RFTN1: variants seen among roughly 807,000 people sequenced by gnomAD.
RFTN1 encodes raftlin.
RFTN1 carries 26 observed loss-of-function variants against 46.5 expected under a neutral mutation model. That is an observed-to-expected ratio of 0.56 (90% CI 0.41 to 0.78). The LOEUF (loss-of-function observed/expected upper bound fraction) is 0.78, where lower values mean the gene tolerates loss of function less well. Among genes scored for constraint, RFTN1 ranks in the 30% least tolerant of loss-of-function variants. The probability of loss-of-function intolerance (pLI) is 0.00; values close to 1 mark genes in which losing one functional copy is unlikely to be tolerated. For missense variants in RFTN1, 693 were observed against 718.7 expected (o/e 0.96, Z 0.41); for synonymous variants, 261 against 284.2 (o/e 0.92, Z 0.82).
At chr3:16,363,041 C>T (rs1253562636) in intron 6 of RFTN1, among the ~76,000 whole-genome samples, 4 of 152,228 alleles carry the variant, frequency 2.6e-5, no homozygotes, top group African/African-American at 9.7e-5. Flanking sequence ...GCCTCCCCAC[C>T]TCAGCCTAAT....
chr3:16,441,253 T>G (rs943201049), intron 2 of RFTN1, among the ~76,000 whole-genome samples: 3 of 142,854 alleles, frequency 2.1e-5, no homozygotes, highest in African/African-American at 8.1e-5. Flanking sequence ...TGTTTTTCTT[T>G]CAGAAAATAA....
In RFTN1 at chr3:16,376,775, T is replaced by C. The variant is rs1450161277; in HGVS notation, c.826+943A>G. 2.0e-5 allele frequency among the ~76,000 whole-genome samples: 3 copies of C among 152,244 alleles called. No individual in the cohort carries two copies. Among genetic ancestry groups the C allele is most frequent in the Admixed American group, 1.3e-4 (2 of 15,290 alleles). On this transcript the variant is annotated intron_variant, in intron 5 of 9. Coordinates refer to ENST00000334133, the MANE Select transcript of RFTN1 (RefSeq NM_015150.2). The surrounding 1 kb of genome is among the most constrained non-coding windows in gnomAD (Gnocchi z 4.7). ...TAAGCCCCTGGAATTAACCATCCCA[T>C]AATTTTCCTCTCAAGAAGTTCTGAT...
Position 16,459,846 on chromosome 3 carries a change from A to G in RFTN1, c.146-25809T>C, listed in dbSNP as rs563641949. On this transcript the variant is annotated intron_variant, in intron 2 of 9. Coordinates refer to ENST00000334133, the MANE Select transcript of RFTN1 (RefSeq NM_015150.2). This position sits in a 1 kb window ranked among gnomAD's most constrained non-coding sequence, Gnocchi z 4.2. ...AAAAAAAATAAGATTTATATACAAT[A>G]AGTTTTGAGAGAAGTTTATCATTTT... Among the ~76,000 whole-genome samples the G allele has an allele frequency of 2.0e-4, 30 of 152,270 alleles. No individual in the cohort carries two copies. Among genetic ancestry groups the G allele is most frequent in the African/African-American group, 7.0e-4 (29 of 41,562 alleles).
chr3:16,441,737 G>A (rs886414114), intron 2 of RFTN1, among the ~76,000 whole-genome samples: 1 of 152,204 alleles, frequency 6.6e-6, no homozygotes, highest in African/African-American at 2.4e-5. Flanking sequence ...CTGTCAATAC[G>A]AAGGAGTGCA....
chr3:16,436,666 C>G (rs570872057), intron 2 of RFTN1, among the ~76,000 whole-genome samples: 1 of 152,164 alleles, frequency 6.6e-6, no homozygotes, highest in African/African-American at 2.4e-5. Flanking sequence ...ATTGAACACC[C>G]CCCCACCACA....
intron 3 of RFTN1, among the ~76,000 whole-genome samples, chr3:16,423,828 C>A (rs923363259): frequency 6.6e-6 from 1 of 152,198 alleles, no homozygotes; most frequent in Admixed American, 6.5e-5. Context: ...GAACAGGAAT[C>A]GTGTCCATCT....
chr3:16,470,874 G>A (rs1165399751), intron 2 of RFTN1, among the ~76,000 whole-genome samples: 1 of 152,132 alleles, frequency 6.6e-6, no homozygotes, highest in African/African-American at 2.4e-5. Flanking sequence ...AATCAATGAA[G>A]ACCAATCCCA....
In RFTN1 at chr3:16,348,974, C is replaced by A. The variant is rs76458044; in HGVS notation, c.1146+8958G>T. On this transcript the variant is annotated intron_variant, in intron 7 of 9. Transcript: ENST00000334133. This position sits in a 1 kb window ranked among gnomAD's most constrained non-coding sequence, Gnocchi z 6.3. ...CTGGCTAAAAGAGGTAAAAGAGGGACAGACAGCCATCCCAGGCTCCACTAT... is the reference window on the plus strand; with the variant it reads ...CTGGCTAAAAGAGGTAAAAGAGGGAAAGACAGCCATCCCAGGCTCCACTAT... Among the ~76,000 whole-genome samples, 2,352 of 152,236 alleles carry A rather than the reference C, an allele frequency of 0.015. 57 individuals carry two copies. The highest frequency in any genetic ancestry group is 0.054 in the African/African-American group (2,256 of 41,514).
At chr3:16,456,818 T>C (rs1294149572) in intron 2 of RFTN1, among the ~76,000 whole-genome samples, 1 of 152,198 alleles carries the variant, frequency 6.6e-6, no homozygotes, top group Admixed American at 6.5e-5. Flanking sequence ...AAGGTCTTAG[T>C]ATCATTTTGA....
Position 16,376,779 on chromosome 3 carries a change from T to A in RFTN1, c.826+939A>T, listed in dbSNP as rs1377843586. 1.3e-5 allele frequency among the ~76,000 whole-genome samples: 2 copies of A among 152,214 alleles called. No homozygotes were observed. Among genetic ancestry groups the A allele is most frequent in the Non-Finnish European group, 2.9e-5 (2 of 68,038 alleles). ...CCCCTGGAATTAACCATCCCATAAT[T>A]TTCCTCTCAAGAAGTTCTGATGTAA... On this transcript the variant is annotated intron_variant, in intron 5 of 9. Transcript: ENST00000334133. This position sits in a 1 kb window ranked among gnomAD's most constrained non-coding sequence, Gnocchi z 4.7.
rs1360540913 is a variant in RFTN1, at chr3:16,433,876, C to T, written c.307G>A (p.Ala103Thr). 6.2e-7 allele frequency: 1 copy of T among 1,614,174 alleles called. No individual in the cohort carries two copies. The highest frequency in any genetic ancestry group is 8.5e-7 in the Non-Finnish European group (1 of 1,180,026). ...CTGTCGGTTTTCTTGATCAGGATGG[C>T]TCTAAAGATGTGCTCCAGGGGCGTC... ...EKTPLEHIFR[A>T]ILIKKTDRSQ... The change falls in exon 3 of 10, where the codon GCC (alanine) becomes ACC (threonine). Residue 103 changes from alanine (A) to threonine (T), a missense_variant. Coordinates refer to ENST00000334133, the MANE Select transcript of RFTN1 (RefSeq NM_015150.2). This position sits in a 1 kb window ranked among gnomAD's most constrained non-coding sequence, Gnocchi z 4.4.
chr3:16,317,283 G>T lies in RFTN1; in HGVS notation c.1333-51C>A. 6.3e-7 allele frequency: 1 copy of T among 1,584,504 alleles called. No homozygotes were observed. Among genetic ancestry groups the T allele is most frequent in the Non-Finnish European group, 8.6e-7 (1 of 1,167,768 alleles). ...AATAACAAGCCTCCGGGAACCCAGAGCTTCACCCAAAGCCTTGTTTGCATT... is the reference window on the plus strand; with the variant it reads ...AATAACAAGCCTCCGGGAACCCAGATCTTCACCCAAAGCCTTGTTTGCATT... On this transcript the variant is annotated intron_variant, in intron 9 of 9. Coordinates refer to ENST00000334133, the MANE Select transcript of RFTN1 (RefSeq NM_015150.2). This position sits in a 1 kb window ranked among gnomAD's most constrained non-coding sequence, Gnocchi z 4.3.
At chr3:16,355,919 C>T (rs2072402857) in intron 7 of RFTN1, among the ~76,000 whole-genome samples, 1 of 152,208 alleles carries the variant, frequency 6.6e-6, no homozygotes, top group Admixed American at 6.5e-5. Context: ...TTTTAATATA[C>T]AGACAGCAGG....
Position 16,479,855 on chromosome 3 carries a change from G to C in RFTN1, c.145+13870C>G, listed in dbSNP as rs913614584. Among the ~76,000 whole-genome samples the C allele has an allele frequency of 2.6e-5, 4 of 152,202 alleles. No homozygotes were observed. The highest frequency in any genetic ancestry group is 9.7e-5 in the African/African-American group (4 of 41,446). On this transcript the variant is annotated intron_variant, in intron 2 of 9. Transcript: ENST00000334133. This position sits in a 1 kb window ranked among gnomAD's most constrained non-coding sequence, Gnocchi z 5.1. ...GCAGACAAGTCTCTAGCCATGCAAG[G>C]TGCAGCAGGCCAAAGGCAAATAATG...
chr3:16,385,734 C>A lies in RFTN1; in HGVS notation c.442-7632G>T, dbSNP rs141830961. Among the ~76,000 whole-genome samples the A allele has an allele frequency of 6.6e-6, 1 of 152,190 alleles. No homozygotes were observed. The highest frequency in any genetic ancestry group is 1.5e-5 in the Non-Finnish European group (1 of 68,040). On this transcript the variant is annotated intron_variant, in intron 4 of 9. Coordinates refer to ENST00000334133, the MANE Select transcript of RFTN1 (RefSeq NM_015150.2). This position sits in a 1 kb window ranked among gnomAD's most constrained non-coding sequence, Gnocchi z 5.0. ...GGAGGGCACAGTCAAAGAGTCAACACGCTGGAGTAGTCAGGAGTCACCTCT... is the reference window on the plus strand; with the variant it reads ...GGAGGGCACAGTCAAAGAGTCAACAAGCTGGAGTAGTCAGGAGTCACCTCT...
At position 16,457,372 on chromosome 3, in the gene RFTN1, T is replaced by A. The variant is rs941809031; in HGVS notation, c.146-23335A>T. 6.6e-6 allele frequency among the ~76,000 whole-genome samples: 1 copy of A among 152,196 alleles called. No homozygotes were observed. Among genetic ancestry groups the A allele is most frequent in the Non-Finnish European group, 1.5e-5 (1 of 68,020 alleles). The stretch of plus-strand genomic sequence containing the variant: ...TGAGTTCTTAATCTTCCTCCAAGTA[T>A]AAAAAGGAAGAATAACAATATTTAA... On this transcript the variant is annotated intron_variant, in intron 2 of 9. Transcript: ENST00000334133. This position sits in a 1 kb window ranked among gnomAD's most constrained non-coding sequence, Gnocchi z 4.2.
At chr3:16,434,720 T>C (rs2075469073) in intron 2 of RFTN1, 1 of 151,638 alleles carries the variant, frequency 6.6e-6, no homozygotes, top group African/African-American at 2.4e-5. Flanking sequence ...TGAGCAAATA[T>C]AAAAATACTA....
intron 2 of RFTN1, among the ~76,000 whole-genome samples, chr3:16,488,070 C>T (rs997212975): frequency 6.6e-5 from 10 of 150,726 alleles, no homozygotes; most frequent in Non-Finnish European, 1.3e-4. Flanking sequence ...AAGCAAGGGA[C>T]AAACTCAACA....
rs374287967 is a variant in RFTN1 at position 16,400,419 on chromosome 3, G to A, written c.441+8956C>T. 6.6e-6 allele frequency among the ~76,000 whole-genome samples: 1 copy of A among 152,214 alleles called. No homozygotes were observed. The highest frequency in any genetic ancestry group is 2.4e-5 in the African/African-American group (1 of 41,456). ...GCCCCTTGCCATGTTCTACTCGACA[G>A]CGCTCACCCATCTGTGATCCTACAA... On this transcript the variant is annotated intron_variant, in intron 4 of 9. Transcript: ENST00000334133. The surrounding 1 kb of genome is among the most constrained non-coding windows in gnomAD (Gnocchi z 4.5).
Sources: allele counts gnomAD v4.1 joint callset (sites outside exome capture counted in the v4.1 genomes callset), GRCh38; gene constraint gnomAD v4.1.1; non-coding constraint Gnocchi (gnomAD v3.1); transcripts MANE v1.5; gene names NCBI Gene and HGNC (gene_info 2026-07-23, HGNC 2026-07-21).